Variants in MELK observed in about 807,000 individuals in gnomAD.
MELK encodes the protein pEg3 kinase.
MELK carries 81 observed loss-of-function variants against 85.0 expected under a neutral mutation model. That is an observed-to-expected ratio of 0.95 (90% CI 0.80 to 1.15). The LOEUF (loss-of-function observed/expected upper bound fraction) is 1.15, where lower values mean the gene tolerates loss of function less well. MELK is among the 50% of genes most tolerant of loss of function. The pLI, the probability that MELK is intolerant of heterozygous loss-of-function variation, is 0.00. For missense variants in MELK, 754 were observed against 777.5 expected (o/e 0.97, Z 0.36); for synonymous variants, 252 against 265.0 (o/e 0.95, Z 0.48).
chr9:36,635,242 C>T (rs1292127564), intron 10 of MELK, among the ~76,000 whole-genome samples: 1 of 151,660 alleles, frequency 6.6e-6, no homozygotes, highest in Admixed American at 6.6e-5. Context: ...TACTAAGGTG[C>T]CAGCAATTTA....
chr9:36,587,885 T>A (rs1823099629), intron 3 of MELK, among the ~76,000 whole-genome samples: 1 of 151,282 alleles, frequency 6.6e-6, no homozygotes, highest in African/African-American at 2.4e-5. Flanking sequence ...CTTCAGCCTT[T>A]CAAGTAGCTG....
intron 7 of MELK, among the ~76,000 whole-genome samples, chr9:36,599,788 C>A (rs942655837): frequency 1.3e-5 from 2 of 152,108 alleles, no homozygotes; most frequent in East Asian, 3.9e-4. Flanking sequence ...GAACAAAAGA[C>A]GAAGGTTCCA....
At chr9:36,650,589 A>G (rs1473315622) in intron 11 of MELK, among the ~76,000 whole-genome samples, 1 of 152,258 alleles carries the variant, frequency 6.6e-6, no homozygotes, top group Non-Finnish European at 1.5e-5. Flanking sequence ...ATCAGAATCA[A>G]TTGTGAAGAT....
At chr9:36,658,868 AT>A (rs1196473510) in intron 13 of MELK, among the ~76,000 whole-genome samples, 2,352 of 141,458 alleles carry the variant, frequency 0.017, 56 homozygotes, top group African/African-American at 0.053. Flanking sequence ...TGCCTGGCTA[AT>A]TTTTTTTTTT....
intron 8 of MELK, among the ~76,000 whole-genome samples, chr9:36,610,177 G>C (rs1825947308): frequency 6.6e-6 from 1 of 152,146 alleles, no homozygotes; most frequent in Admixed American, 6.6e-5. Flanking sequence ...TAGATGAGGA[G>C]ACTACCTAAA....
chr9:36,587,296 C>T (rs1823015209), intron 3 of MELK, among the ~76,000 whole-genome samples: 1 of 151,476 alleles, frequency 6.6e-6, no homozygotes, highest in Non-Finnish European at 1.5e-5. Flanking sequence ...GAGACACTGG[C>T]CATTAAGACG....
At chr9:36,639,979 G>A (rs996938695) in intron 10 of MELK, among the ~76,000 whole-genome samples, 6 of 152,194 alleles carry the variant, frequency 3.9e-5, no homozygotes, top group Non-Finnish European at 7.3e-5. Flanking sequence ...CTGAGGTTGA[G>A]ACCATCTTGA....
At chr9:36,651,182 T>C (rs1830664219) in intron 11 of MELK, among the ~76,000 whole-genome samples, 1 of 152,206 alleles carries the variant, frequency 6.6e-6, no homozygotes, top group Non-Finnish European at 1.5e-5. Flanking sequence ...AATTAAAAGA[T>C]TAATAATTGG....
chr9:36,580,327 CT>C (rs929236204), intron 1 of MELK, among the ~76,000 whole-genome samples: 9 of 147,392 alleles, frequency 6.1e-5, no homozygotes, highest in Admixed American at 5.4e-4. Context: ...CGCACCCGGC[CT>C]TTTTTTTTGA....
At chr9:36,668,447 C>A (rs1457011893) in intron 14 of MELK, among the ~76,000 whole-genome samples, 1 of 152,112 alleles carries the variant, frequency 6.6e-6, no homozygotes, top group Admixed American at 6.6e-5. Flanking sequence ...ATCTGGAATG[C>A]AAATACCCTA....
chr9:36,673,276 G>A (rs1004120550), intron 16 of MELK, among the ~76,000 whole-genome samples: 1 of 152,162 alleles, frequency 6.6e-6, no homozygotes, highest in Non-Finnish European at 1.5e-5. Flanking sequence ...GGGTCCCTTC[G>A]TTAACACTCA....
At position 36,674,468 on chromosome 9, in the gene MELK, G is replaced by C. The variant is rs73645818; in HGVS notation, c.1675-366G>C. Among the ~76,000 whole-genome samples the C allele has an allele frequency of 8.1e-3, 1,239 of 152,216 alleles. 13 individuals are homozygous for C. Among genetic ancestry groups the C allele is most frequent in the African/African-American group, 0.028 (1,183 of 41,522 alleles). On this transcript the variant is annotated intron_variant, in intron 16 of 17. Coordinates refer to ENST00000298048, the MANE Select transcript of MELK (RefSeq NM_014791.4). The stretch of plus-strand genomic sequence containing the variant: ...TTGTATGGTGTTTGTTTATCTTTCC[G>C]TGGTATACATTTCAGGACTGTTAAT...
chr9:36,646,733 G>A (rs1406864501), intron 11 of MELK, among the ~76,000 whole-genome samples: 1 of 152,212 alleles, frequency 6.6e-6, no homozygotes, highest in Non-Finnish European at 1.5e-5. Flanking sequence ...AAACACCCAT[G>A]TGTGTAAAGA....
chr9:36,672,504 G>C (rs1277906257), intron 16 of MELK, among the ~76,000 whole-genome samples: 1 of 152,176 alleles, frequency 6.6e-6, no homozygotes, highest in Non-Finnish European at 1.5e-5. Flanking sequence ...TTTTTCAATA[G>C]AAACTACTGT....
chr9:36,623,924 C>T (rs1827683904), intron 8 of MELK, among the ~76,000 whole-genome samples: 1 of 152,176 alleles, frequency 6.6e-6, no homozygotes, highest in Non-Finnish European at 1.5e-5. Flanking sequence ...AGTTGTATCG[C>T]AGATAATAAT....
chr9:36,671,090 G>A lies in MELK; in HGVS notation c.1598G>A (p.Gly533Glu), dbSNP rs750982765. The A allele has an allele frequency of 6.2e-7, 1 of 1,613,036 alleles. No homozygotes were observed. The highest frequency in any genetic ancestry group is 8.5e-7 in the Non-Finnish European group (1 of 1,179,592). Residue 533 changes from glycine to glutamate, a missense_variant, in exon 16 of 18, where the codon GGG (glycine) becomes GAG (glutamate). By Grantham distance (98) the Gly-to-Glu change is moderately conservative. Transcript: ENST00000298048. ...GAKVFGSLER[G>E]LDKVITVLTR... ...AAAGTGTTTGGGAGCCTTGAAAGGG[G>A]GTTGGATAAGGTTATCACTGTGCTC...
chr9:36,629,360 T>A (rs1454214419), intron 8 of MELK, among the ~76,000 whole-genome samples: 3 of 152,360 alleles, frequency 2.0e-5, no homozygotes, highest in East Asian at 3.9e-4. Flanking sequence ...TGTAAAGAGA[T>A]ATTCTATCAT....
At chr9:36,618,142 C>A (rs537495110) in intron 8 of MELK, among the ~76,000 whole-genome samples, 8 of 150,604 alleles carry the variant, frequency 5.3e-5, no homozygotes, top group Non-Finnish European at 8.9e-5. Context: ...AAAAAAAGGG[C>A]CCAGTGGCTC....
At chr9:36,574,002 G>C (rs955652930) in intron 1 of MELK, among the ~76,000 whole-genome samples, 4 of 152,186 alleles carry the variant, frequency 2.6e-5, no homozygotes, top group African/African-American at 9.7e-5. Context: ...GGAATGAGGT[G>C]AGTATCAGGA....
Sources: gnomAD v4.1 joint callset for allele counts (sites outside exome capture counted in the v4.1 genomes callset) on GRCh38, gnomAD v4.1.1 for gene constraint, MANE v1.5 for transcripts, NCBI Gene and HGNC (gene_info 2026-07-23, HGNC 2026-07-21) for gene names.